Variants in ADRA1A observed in about 807,000 individuals in gnomAD.
ADRA1A encodes adrenoceptor alpha 1A, also known as alpha-1A adrenergic receptor.
ADRA1A carries 31 observed loss-of-function variants against 29.6 expected under a neutral mutation model. The observed-to-expected ratio is 1.05, with a 90% CI of 0.79 to 1.41. The LOEUF (loss-of-function observed/expected upper bound fraction) is 1.41, where lower values mean the gene tolerates loss of function less well. Ranked by LOEUF, ADRA1A falls within the 40% of genes most tolerant of loss-of-function variation. The pLI, the probability that ADRA1A is intolerant of heterozygous loss-of-function variation, is 0.00. For missense variants in ADRA1A, 619 were observed against 601.1 expected (o/e 1.03, Z -0.31); for synonymous variants, 311 against 254.3 (o/e 1.22, Z -2.12).
At chr8:26,859,479 G>A (rs1585856089) in intron 2 of ADRA1A, among the ~76,000 whole-genome samples, 1 of 152,260 alleles carries the variant, frequency 6.6e-6, no homozygotes, top group East Asian at 1.9e-4. Flanking sequence ...ATCACTCTGA[G>A]CACCTATGTC....
At chr8:26,846,128 C>CT (rs972983453) in intron 2 of ADRA1A, among the ~76,000 whole-genome samples, 10 of 152,262 alleles carry the variant, frequency 6.6e-5, no homozygotes, top group African/African-American at 2.4e-4. Context: ...AATATTGCCT[C>CT]TTTGGGGACC....
chr8:26,854,433 G>GGGGGGGGGGGGGGT (rs200396748), intron 2 of ADRA1A: 1 of 98,702 alleles, frequency 1.0e-5, no homozygotes. Flanking sequence ...CGGGGGGGGG[G>GGGGGGGGGGGGGGT]AGCAGGCAGA....
intron 2 of ADRA1A, among the ~76,000 whole-genome samples, chr8:26,820,758 G>A (rs999841056): frequency 1.3e-5 from 2 of 152,164 alleles, no homozygotes; most frequent in African/African-American, 4.8e-5. Flanking sequence ...TATAGGTAAT[G>A]AGCATATATA....
chr8:26,862,061 C>T (rs1813512893), intron 2 of ADRA1A, among the ~76,000 whole-genome samples: 1 of 152,144 alleles, frequency 6.6e-6, no homozygotes, highest in Non-Finnish European at 1.5e-5. Context: ...GAATAATATG[C>T]AAACTTTACT....
chr8:26,804,789 C>T (rs1042968311), intron 2 of ADRA1A, among the ~76,000 whole-genome samples: 2 of 152,118 alleles, frequency 1.3e-5, no homozygotes, highest in African/African-American at 4.8e-5. Context: ...ATGGTTATGT[C>T]AGAGAGCAAA....
chr8:26,809,366 C>T (rs941474119), intron 2 of ADRA1A, among the ~76,000 whole-genome samples: 38 of 152,126 alleles, frequency 2.5e-4, no homozygotes, highest in African/African-American at 8.7e-4. Flanking sequence ...TCTGATTACC[C>T]TGAAACCACC....
chr8:26,842,676 C>T (rs1267540307), intron 2 of ADRA1A, among the ~76,000 whole-genome samples: 1 of 152,124 alleles, frequency 6.6e-6, no homozygotes, highest in East Asian at 1.9e-4. Flanking sequence ...TGCTTCCCTG[C>T]CTCAAACCCC....
chr8:26,830,270 C>A (rs947023362), intron 2 of ADRA1A, among the ~76,000 whole-genome samples: 2 of 152,202 alleles, frequency 1.3e-5, no homozygotes, highest in African/African-American at 2.4e-5. Flanking sequence ...TTCTTCTGCA[C>A]CTGCCCTCAA....
intron 2 of ADRA1A, among the ~76,000 whole-genome samples, chr8:26,830,252 T>C (rs1364723642): frequency 1.3e-5 from 2 of 152,230 alleles, no homozygotes; most frequent in Non-Finnish European, 2.9e-5. Context: ...AGATGCTTCA[T>C]GGTTTATTTC....
chr8:26,856,152 A>G (rs1024792005), intron 2 of ADRA1A, among the ~76,000 whole-genome samples: 3 of 152,254 alleles, frequency 2.0e-5, no homozygotes, highest in Non-Finnish European at 4.4e-5. Context: ...TTTAAAGCCA[A>G]GTCTGGTTAT....
intron 2 of ADRA1A, chr8:26,756,880 A>G (rs1231163662): frequency 6.6e-7 from 1 of 1,514,732 alleles, no homozygotes; most frequent in Non-Finnish European, 8.9e-7. Context: ...TTTGTAGAGT[A>G]AGAATTCTTA....
rs1186998412 is a variant in ADRA1A at position 26,866,477 on chromosome 8, C to A, written c.-687+459G>T. On this transcript the variant is annotated intron_variant, in intron 1 of 2. Coordinates refer to ENST00000380573, the MANE Select transcript of ADRA1A (RefSeq NM_000680.4). This position sits in a 1 kb window ranked among gnomAD's most constrained non-coding sequence, Gnocchi z 5.7. ...AAGCCGGCATGCCAGCGGGCAGGGG[C>A]CGCCTTCGATTTTCTGGGCTGGGGG... Among the ~76,000 whole-genome samples, 2 of 152,238 alleles carry A rather than the reference C, an allele frequency of 1.3e-5. No homozygotes were observed. The highest frequency in any genetic ancestry group is 3.9e-4 in the East Asian group (2 of 5,146).
intron 2 of ADRA1A, among the ~76,000 whole-genome samples, chr8:26,850,183 A>AC (rs1398649717): frequency 2.0e-5 from 3 of 152,076 alleles, no homozygotes; most frequent in African/African-American, 7.2e-5. Flanking sequence ...ATGAAAAGTT[A>AC]CCCCAAACAG....
Position 26,770,423 on chromosome 8 carries a change from C to T in ADRA1A, c.1127G>A (p.Arg376His), listed in dbSNP as rs140512348. The T allele has an allele frequency of 3.3e-5, 53 of 1,614,206 alleles. No homozygotes were observed. Among genetic ancestry groups the T allele is most frequent in the East Asian group, 8.9e-5 (4 of 44,884 alleles). Reference sequence around the variant, plus strand: ...GGTCTCTCTTGATCCCACGGGGATGCGCACCATGTCCTTGTGTTGCCCTTC... The same window carrying T: ...GGTCTCTCTTGATCCCACGGGGATGTGCACCATGTCCTTGTGTTGCCCTTC... ...AVEGQHKDMV[R>H]IPVGSRETFY... Residue 376 changes from arginine (R) to histidine (H), a missense_variant, in exon 3 of 3, where the codon CGC becomes CAC. Transcript: ENST00000380573.
chr8:26,826,859 A>G (rs986102076), intron 2 of ADRA1A, among the ~76,000 whole-genome samples: 1 of 152,236 alleles, frequency 6.6e-6, no homozygotes, highest in African/African-American at 2.4e-5. Context: ...CGAGTTCCCA[A>G]CTGGAAATAG....
chr8:26,842,900 C>T (rs1811934851), intron 2 of ADRA1A, among the ~76,000 whole-genome samples: 3 of 139,522 alleles, frequency 2.2e-5, no homozygotes, highest in Admixed American at 1.4e-4. Context: ...CACACACACA[C>T]ACACACACCA....
chr8:26,795,760 G>A (rs7816634), intron 2 of ADRA1A, among the ~76,000 whole-genome samples: 2,510 of 152,164 alleles, frequency 0.016, 62 homozygotes, highest in African/African-American at 0.054. Flanking sequence ...CCAACTTGCA[G>A]GAACCATAAG....
At chr8:26,820,568 C>T (rs1396571440) in intron 2 of ADRA1A, among the ~76,000 whole-genome samples, 1 of 152,134 alleles carries the variant, frequency 6.6e-6, no homozygotes, top group Non-Finnish European at 1.5e-5. Flanking sequence ...GACTTTTCAC[C>T]ACCTTCCCCA....
At chr8:26,862,652 G>A (rs494364) in intron 2 of ADRA1A, among the ~76,000 whole-genome samples, 133,197 of 152,168 alleles carry the variant, frequency 0.88, 59,257 homozygotes, top group Non-Finnish European at 0.95. Flanking sequence ...ATGATGGGCA[G>A]GCACAATGGA....
Sources: gnomAD v4.1 joint callset for allele counts (sites outside exome capture counted in the v4.1 genomes callset) on GRCh38, gnomAD v4.1.1 for gene constraint, Gnocchi (gnomAD v3.1) non-coding constraint, MANE v1.5 for transcripts, NCBI Gene and HGNC (gene_info 2026-07-23, HGNC 2026-07-21) for gene names.